The following OPCML variants were observed in gnomAD, a reference collection of about 807,000 sequenced individuals.
OPCML encodes opioid binding protein/cell adhesion molecule like.
A neutral mutation model predicts 37.8 loss-of-function variants in OPCML; 13 were observed. The observed-to-expected ratio is 0.34, with a 90% CI of 0.22 to 0.55. The LOEUF (loss-of-function observed/expected upper bound fraction) is 0.55. Among genes scored for constraint, OPCML ranks in the 20% least tolerant of loss-of-function variants. The pLI, the probability that OPCML is intolerant of heterozygous loss-of-function variation, is 0.91. For missense variants in OPCML, 341 were observed against 435.6 expected, an observed-to-expected ratio of 0.78 and a Z score of 1.93; for synonymous variants, 176 against 168.8, an observed-to-expected ratio of 1.04 and a Z score of -0.33.
chr11:132,821,391 G>A (rs1444626086), intron 2 of OPCML, among the ~76,000 whole-genome samples: 1 of 152,170 alleles, frequency 6.6e-6, no homozygotes, highest in Admixed American at 6.5e-5. Flanking sequence ...GCTGCCTCTG[G>A]AAGGAGGGCA....
chr11:133,390,488 A>G (rs1945152504), intron 1 of OPCML, among the ~76,000 whole-genome samples: 1 of 152,096 alleles, frequency 6.6e-6, no homozygotes, highest in Non-Finnish European at 1.5e-5. Context: ...AACGACAACA[A>G]CAAAAAAGGT....
At chr11:132,436,613 C>T in intron 6 of OPCML, 46 bp downstream of exon 6, 1 of 1,606,014 alleles carries the variant, frequency 6.2e-7, no homozygotes, top group South Asian at 1.1e-5. Flanking sequence ...TGGGGATAGA[C>T]CATCAGCTCT....
intron 7 of OPCML, among the ~76,000 whole-genome samples, chr11:132,420,992 TC>T (rs2095956686): frequency 6.6e-6 from 1 of 151,990 alleles, no homozygotes; most frequent in Non-Finnish European, 1.5e-5. Context: ...AGCTTCTCTC[TC>T]TCTCTCTCTC....
At chr11:132,863,186 G>A (rs142719421) in intron 2 of OPCML, among the ~76,000 whole-genome samples, 10 of 152,240 alleles carry the variant, frequency 6.6e-5, no homozygotes, top group Non-Finnish European at 1.5e-4. Context: ...GGCGTGGCTC[G>A]GCCGAGGATG....
At chr11:133,486,840 C>A (rs1034744483) in intron 1 of OPCML, among the ~76,000 whole-genome samples, 1 of 137,140 alleles carries the variant, frequency 7.3e-6, no homozygotes, top group African/African-American at 3.0e-5. Flanking sequence ...CGCTCTCTCC[C>A]CCCCTTCTCT....
intron 1 of OPCML, among the ~76,000 whole-genome samples, chr11:133,170,425 G>A (rs1236480202): frequency 1.3e-5 from 2 of 152,216 alleles, no homozygotes; most frequent in African/African-American, 4.8e-5. Context: ...GGCAGAGCTT[G>A]CAGTCAGCCT....
intron 2 of OPCML, among the ~76,000 whole-genome samples, chr11:132,824,605 T>C (rs1408894402): frequency 6.6e-6 from 1 of 152,200 alleles, no homozygotes; most frequent in Admixed American, 6.5e-5. Context: ...TCATCTCTGC[T>C]TCTCCACTGA....
At chr11:132,777,967 C>T (rs997265441) in intron 2 of OPCML, among the ~76,000 whole-genome samples, 5 of 152,170 alleles carry the variant, frequency 3.3e-5, no homozygotes, top group East Asian at 3.9e-4. Flanking sequence ...ATCTCTGGAT[C>T]GGCATGGGCA....
intron 3 of OPCML, among the ~76,000 whole-genome samples, chr11:132,561,108 C>T (rs140103016): frequency 6.6e-6 from 1 of 152,188 alleles, no homozygotes; most frequent in African/African-American, 2.4e-5. Flanking sequence ...AACTTAATAC[C>T]AACACTCAAA....
intron 1 of OPCML, among the ~76,000 whole-genome samples, chr11:133,339,718 C>T (rs1459434647): frequency 6.6e-6 from 1 of 152,198 alleles, no homozygotes; most frequent in Non-Finnish European, 1.5e-5. Flanking sequence ...CACATAATCA[C>T]ACATCACTGT....
chr11:133,398,443 C>A (rs1945333023), intron 1 of OPCML, among the ~76,000 whole-genome samples: 1 of 152,268 alleles, frequency 6.6e-6, no homozygotes, highest in Middle Eastern at 3.4e-3. Context: ...GGGCCTACTA[C>A]AAAAGTCTGG....
In OPCML at chr11:133,070,748, T is replaced by C. The variant is rs554506674; in HGVS notation, c.62-127738A>G. ...ATTGCCTGGGTTCATACTGGCTGGG[T>C]GGTCTGGGCAGGCAGCTGAAATGAA... is the stretch of plus-strand genomic sequence containing the variant. On this transcript the variant is annotated intron_variant, in intron 1 of 7. Transcript: ENST00000524381. Among the ~76,000 whole-genome samples the C allele has an allele frequency of 7.9e-5, 12 of 152,288 alleles. No individual in the cohort carries two copies. In the East Asian group the frequency reaches 2.3e-3, roughly 29 times the overall value.
intron 2 of OPCML, among the ~76,000 whole-genome samples, chr11:132,754,835 A>G (rs1235057689): frequency 6.6e-6 from 1 of 152,190 alleles, no homozygotes; most frequent in Non-Finnish European, 1.5e-5. Flanking sequence ...ATTGGAAATG[A>G]CTTGGCTAGT....
intron 4 of OPCML, among the ~76,000 whole-genome samples, chr11:132,450,328 G>A (rs2136839402): frequency 6.6e-6 from 1 of 152,312 alleles, no homozygotes; most frequent in East Asian, 1.9e-4. Flanking sequence ...AGACAAAGAG[G>A]AACGCAAGGT....
chr11:133,354,280 G>GTGGTGGTGGTAGTGGTGGTGA (rs1944221226), intron 1 of OPCML, among the ~76,000 whole-genome samples: 2 of 27,464 alleles, frequency 7.3e-5, no homozygotes, highest in African/African-American at 1.4e-4. Context: ...GGTGGTGATA[G>GTGGTGGTGGTAGTGGTGGTGA]TGATGGTGGT....
At chr11:133,005,870 A>T in intron 1 of OPCML, 1 of 985,410 alleles carries the variant, frequency 1.0e-6, no homozygotes, top group Non-Finnish European at 1.2e-6. Context: ...ATTTGCACTT[A>T]ATTGCAGAAT....
chr11:132,959,228 T>G (rs11608158), intron 1 of OPCML, among the ~76,000 whole-genome samples: 13,508 of 152,190 alleles, frequency 0.089, 625 homozygotes, highest in African/African-American at 0.12. Context: ...ACTGCAGATG[T>G]GGTGGAAATA....
intron 2 of OPCML, among the ~76,000 whole-genome samples, chr11:132,776,577 C>T (rs181747823): frequency 6.6e-6 from 1 of 152,076 alleles, no homozygotes; most frequent in Non-Finnish European, 1.5e-5. Flanking sequence ...TTCCCCCTCT[C>T]TCTCTCTCGC....
chr11:133,368,731 C>G (rs1474099195), intron 1 of OPCML, among the ~76,000 whole-genome samples: 1 of 152,122 alleles, frequency 6.6e-6, no homozygotes, highest in Non-Finnish European at 1.5e-5. Context: ...CTAGAACAAG[C>G]TGATATTCAT....
Sources: allele counts gnomAD v4.1 joint callset (sites outside exome capture counted in the v4.1 genomes callset), GRCh38; gene constraint gnomAD v4.1.1; transcripts MANE v1.5; gene names NCBI Gene and HGNC (gene_info 2026-07-23, HGNC 2026-07-21).